MCPH1: variants seen among roughly 807,000 people sequenced by gnomAD.
MCPH1 encodes microcephalin.
Under a neutral mutation model 84.5 loss-of-function variants are expected in MCPH1, and 104 were observed. The observed-to-expected ratio is 1.23, with a 90% confidence interval of 1.05 to 1.45. MCPH1 has a LOEUF of 1.45. Among genes scored for constraint, MCPH1 ranks in the 40% most tolerant of loss-of-function variants. The pLI is 0.00. For synonymous variants in MCPH1, 514 were observed against 366.8 expected (o/e 1.40, Z -4.58); for missense variants, 1,498 against 1,005.7 (o/e 1.49, Z -6.62).
At chr8:6,412,091 T>A (rs892106593) in intron 2 of MCPH1, among the ~76,000 whole-genome samples, 1 of 152,152 alleles carries the variant, frequency 6.6e-6, no homozygotes, top group Non-Finnish European at 1.5e-5. Flanking sequence ...GAGTGGGTGC[T>A]ACTGAATACC....
At chr8:6,544,782 C>T (rs990452902) in intron 12 of MCPH1, among the ~76,000 whole-genome samples, 2 of 152,148 alleles carry the variant, frequency 1.3e-5, no homozygotes, top group Admixed American at 1.3e-4. Context: ...AAGAGCCTCC[C>T]TTACCTCCTG....
At chr8:6,444,233 A>C (rs540269812) in intron 7 of MCPH1, among the ~76,000 whole-genome samples, 160 bp from the exon 8 acceptor site, 1 of 152,342 alleles carries the variant, frequency 6.6e-6, no homozygotes, top group Non-Finnish European at 1.5e-5. Flanking sequence ...TACTGGCCTA[A>C]AATGTACCCT....
At chr8:6,519,046 G>A (rs1043444164) in intron 12 of MCPH1, among the ~76,000 whole-genome samples, 1 of 152,176 alleles carries the variant, frequency 6.6e-6, no homozygotes, top group Non-Finnish European at 1.5e-5. Flanking sequence ...AGTACTGACT[G>A]TCCACTCACG....
intron 10 of MCPH1, among the ~76,000 whole-genome samples, chr8:6,479,641 T>C (rs2129559635): frequency 6.6e-6 from 1 of 152,106 alleles, no homozygotes; most frequent in Non-Finnish European, 1.5e-5. Context: ...TTCACCATGT[T>C]GTTGTATATA....
chr8:6,549,253 A>G (rs1048392887), intron 12 of MCPH1, among the ~76,000 whole-genome samples: 2 of 152,276 alleles, frequency 1.3e-5, no homozygotes, highest in African/African-American at 2.4e-5. Flanking sequence ...AAATTGTGTT[A>G]TACAGCGAAA....
intron 12 of MCPH1, chr8:6,503,012 A>T: frequency 6.7e-7 from 1 of 1,481,918 alleles, no homozygotes; most frequent in Non-Finnish European, 9.3e-7. Flanking sequence ...GTGGTGGAAG[A>T]GGACACAGTG....
rs114999485 is a variant in MCPH1 at position 6,610,449 on chromosome 8, G to A, written c.2215-11005G>A. On this transcript the variant is annotated intron_variant, in intron 12 of 13. Coordinates refer to ENST00000344683, the MANE Select transcript of MCPH1 (RefSeq NM_024596.5). Reference sequence around the variant, plus strand: ...TGTTCCAACCATCCCAAAGTCTGGCGTCAACTGTCATTGCATGCTGCTCTT... The same window carrying A: ...TGTTCCAACCATCCCAAAGTCTGGCATCAACTGTCATTGCATGCTGCTCTT... 6.2e-3 allele frequency among the ~76,000 whole-genome samples: 938 copies of A among 152,210 alleles called. 10 individuals are homozygous for A. Among genetic ancestry groups the A allele is most frequent in the African/African-American group, 0.021 (883 of 41,520 alleles).
At chr8:6,507,809 C>G (rs1409186238) in intron 12 of MCPH1, 5 of 149,048 alleles carry the variant, frequency 3.4e-5, no homozygotes, top group Non-Finnish European at 4.5e-5. Context: ...TCTTGAACTC[C>G]TAACTTCAGG....
intron 11 of MCPH1, among the ~76,000 whole-genome samples, chr8:6,496,156 C>G (rs112206082): frequency 0.011 from 1,629 of 152,262 alleles, 40 homozygotes; most frequent in African/African-American, 0.037. Context: ...AGCTTGTTTT[C>G]TGCAACTAGA....
At chr8:6,516,756 C>A (rs778165369) in intron 12 of MCPH1, among the ~76,000 whole-genome samples, 2 of 152,128 alleles carry the variant, frequency 1.3e-5, no homozygotes, top group South Asian at 4.1e-4. Context: ...GTGAGCCTAT[C>A]CTTGTTCCAA....
chr8:6,519,655 C>T (rs1448997469), intron 12 of MCPH1, among the ~76,000 whole-genome samples: 1 of 152,208 alleles, frequency 6.6e-6, no homozygotes, highest in Non-Finnish European at 1.5e-5. Context: ...CTACATCATT[C>T]ATATGCAGCT....
chr8:6,449,533 T>C lies in MCPH1; in HGVS notation c.1825+3986T>C, dbSNP rs1043665895. On this transcript the variant is annotated intron_variant, in intron 8 of 13. Transcript: ENST00000344683. ...CTATAATCTCAGCTACTTGGGAGGC[T>C]GAGGCAGGAGAATCACTTGAACCCA... Among the ~76,000 whole-genome samples, 11 of 151,818 alleles carry C rather than the reference T, an allele frequency of 7.2e-5. No homozygotes were observed. The East Asian group carries it at 7.7e-4, about 11-fold the overall frequency.
At chr8:6,555,906 A>G (rs181579306) in intron 12 of MCPH1, among the ~76,000 whole-genome samples, 112 of 152,268 alleles carry the variant, frequency 7.4e-4, no homozygotes, top group African/African-American at 2.7e-3. Context: ...TTGTTTTCCT[A>G]GCAGCTTCAG....
At chr8:6,503,443 C>A (rs1315698963) in intron 12 of MCPH1, among the ~76,000 whole-genome samples, 1 of 152,212 alleles carries the variant, frequency 6.6e-6, no homozygotes, top group African/African-American at 2.4e-5. Flanking sequence ...ACACCCATGA[C>A]ATCACAGTTC....
chr8:6,447,444 A>T (rs929770101), intron 8 of MCPH1: 2 of 984,682 alleles, frequency 2.0e-6, no homozygotes, highest in Non-Finnish European at 2.4e-6. Context: ...TGTTGTCAGT[A>T]TCTAAGATAC....
chr8:6,631,654 TA>T lies in MCPH1; in HGVS notation c.2452+9977del, dbSNP rs546705142. 9.0e-3 allele frequency among the ~76,000 whole-genome samples: 1,207 copies of T among 134,282 alleles called. 7 individuals are homozygous for T. The highest frequency in any genetic ancestry group is 0.025 in the African/African-American group (905 of 36,686). The allele number at this position is 134,282 out of a possible 152,430, so 88.1% of individuals were successfully genotyped here. On this transcript the variant is annotated intron_variant, in intron 13 of 13. Transcript: ENST00000344683. Reference sequence around the variant, plus strand: ...CTCACACCCATTATGATTGCTACTATAAAAAAAAAAAAAACCCAGAAAATAA... The same window carrying T: ...CTCACACCCATTATGATTGCTACTATAAAAAAAAAAAAACCCAGAAAATAA...
intron 3 of MCPH1, among the ~76,000 whole-genome samples, chr8:6,427,795 G>GT (rs57041436): frequency 4.2e-5 from 6 of 144,510 alleles, no homozygotes; most frequent in African/African-American, 1.5e-4. Context: ...TTATTATACT[G>GT]TTTTTTTTTT....
intron 7 of MCPH1, 43 bp from the exon 8 acceptor site, chr8:6,444,345 ATAATT>A (rs752157180): frequency 6.2e-7 from 1 of 1,611,500 alleles, no homozygotes; most frequent in South Asian, 1.1e-5. Context: ...TGAATATAGA[ATAATT>A]TAAACCACTT....
At chr8:6,424,066 T>G (rs1244826852) in intron 3 of MCPH1, among the ~76,000 whole-genome samples, 5 of 152,194 alleles carry the variant, frequency 3.3e-5, no homozygotes, top group Admixed American at 1.3e-4. Flanking sequence ...AATGTGAACA[T>G]TAACTTCATA....
Sources: allele counts gnomAD v4.1 joint callset (sites outside exome capture counted in the v4.1 genomes callset), GRCh38; gene constraint gnomAD v4.1.1; transcripts MANE v1.5; gene names NCBI Gene and HGNC (gene_info 2026-07-23, HGNC 2026-07-21).